Variants in SMARCD3 observed in about 807,000 individuals in gnomAD.
SMARCD3 encodes the protein SWI/SNF-related matrix-associated actin-dependent regulator of chromatin subfamily D member 3.
In SMARCD3, 14 loss-of-function variants were observed where a neutral mutation model predicts 58.0. The ratio of observed to expected loss-of-function variants is 0.24; its 90% CI spans 0.16 to 0.38. The LOEUF is 0.38. Among genes scored for constraint, SMARCD3 ranks in the 10% least tolerant of loss-of-function variants. The pLI, the probability that SMARCD3 is intolerant of heterozygous loss-of-function variation, is 1.00. For synonymous variants in SMARCD3, 253 were observed against 253.8 expected (o/e 1.00, Z 0.03); for missense variants, 408 against 636.9 (o/e 0.64, Z 3.87).
chr7:151,267,493 G>A (rs1361946414), intron 2 of SMARCD3, among the ~76,000 whole-genome samples: 1 of 152,188 alleles, frequency 6.6e-6, no homozygotes, highest in Non-Finnish European at 1.5e-5. Context: ...TGGTACTCCG[G>A]GTTTAAGACA....
chr7:151,274,477 G>A (rs1347526360), intron 2 of SMARCD3, among the ~76,000 whole-genome samples: 1 of 152,252 alleles, frequency 6.6e-6, no homozygotes, highest in Non-Finnish European at 1.5e-5. Context: ...ATGGCCCAGA[G>A]TGCATCAGAG....
At chr7:151,266,325 TTG>T (rs1804078639) in intron 2 of SMARCD3, among the ~76,000 whole-genome samples, 1 of 152,092 alleles carries the variant, frequency 6.6e-6, no homozygotes, top group Non-Finnish European at 1.5e-5. Flanking sequence ...ACTTGTAAAG[TTG>T]TCTTTTTGTC....
chr7:151,239,685 A>C lies in SMARCD3; in HGVS notation c.1235T>G (p.Phe412Cys). 6.2e-7 allele frequency: 1 copy of C among 1,613,950 alleles called. No individual in the cohort carries two copies. The highest frequency in any genetic ancestry group is 8.5e-7 in the Non-Finnish European group (1 of 1,179,960). The change falls in exon 11 of 13, where the codon TTC (phenylalanine) becomes TGC (cysteine). Residue 412 changes from phenylalanine to cysteine, a missense_variant. Transcript: ENST00000262188. The surrounding 1 kb of genome is among the most constrained non-coding windows in gnomAD (Gnocchi z 7.0). Reference sequence around the variant, plus strand: ...GACATAGCCTTTGGGGTCTCTGGAGAAGCTTAGCATGAAGTCCCTCTGGAT... The same window carrying C: ...GACATAGCCTTTGGGGTCTCTGGAGCAGCTTAGCATGAAGTCCCTCTGGAT... ...LKIQRDFMLS[F>C]SRDPKGYVQD...
chr7:151,251,293 T>C (rs1057514741), upstream of SMARCD3, among the ~76,000 whole-genome samples: 1 of 151,790 alleles, frequency 6.6e-6, no homozygotes, highest in African/African-American at 2.4e-5. Flanking sequence ...AGACAATAGA[T>C]ACACCTTGCA....
chr7:151,242,821 G>A lies in SMARCD3; in HGVS notation c.356C>T (p.Ser119Phe). ...TGCCAAGAGGTCCATGTAAGCCTGG[G>A]ACTCGGGGACCAGCTCCCGAATCTG... ...PQRIRELVPESQAYMDLLAFE... is the reference protein window; with the variant it reads ...PQRIRELVPEFQAYMDLLAFE... Residue 119 changes from serine (S) to phenylalanine (F), a missense_variant, in exon 4 of 13, where the codon TCC becomes TTC. This residue lies in a region of SMARCD3 where 128 missense variants were observed against 188.8 expected (regional missense o/e 0.68). Coordinates refer to ENST00000262188, the MANE Select transcript of SMARCD3 (RefSeq NM_001003801.2). This position sits in a 1 kb window ranked among gnomAD's most constrained non-coding sequence, Gnocchi z 4.7. 1 of 1,614,130 alleles carries A rather than the reference G, an allele frequency of 6.2e-7. No individual in the cohort carries two copies. The highest frequency in any genetic ancestry group is 8.5e-7 in the Non-Finnish European group (1 of 1,180,022).
intron 2 of SMARCD3, among the ~76,000 whole-genome samples, chr7:151,262,734 A>C (rs1803956846): frequency 6.6e-6 from 1 of 152,202 alleles, no homozygotes; most frequent in Admixed American, 6.5e-5. Flanking sequence ...GGTGTCTCAG[A>C]GTAGCGACAC....
At chr7:151,240,711 G>A (rs1306205246) in intron 8 of SMARCD3, 189 bp from the exon 9 acceptor site, 3 of 590,482 alleles carry the variant, frequency 5.1e-6, no homozygotes, top group Non-Finnish European at 6.0e-6. Flanking sequence ...CAAGATAGGG[G>A]GTGGGTCAGT....
chr7:151,272,293 G>A (rs888872716), intron 2 of SMARCD3, among the ~76,000 whole-genome samples: 2 of 152,116 alleles, frequency 1.3e-5, no homozygotes, highest in Non-Finnish European at 2.9e-5. Flanking sequence ...GGGTCTCTGG[G>A]CCTCGTGGTT....
intron 2 of SMARCD3, among the ~76,000 whole-genome samples, chr7:151,268,800 C>T (rs760307664): frequency 2.6e-5 from 4 of 152,010 alleles, no homozygotes; most frequent in Admixed American, 6.5e-5. Context: ...GATGAGGTCT[C>T]GCTTTGTTGC....
At position 151,242,416 on chromosome 7, in the gene SMARCD3, G is replaced by A; in HGVS notation, c.579+65C>T. 1 of 1,594,226 alleles carries A rather than the reference G, an allele frequency of 6.3e-7. No homozygotes were observed. The highest frequency in any genetic ancestry group is 8.6e-7 in the Non-Finnish European group (1 of 1,168,204). ...CCCTAGCCCTTAGTGCAGACACCTTGTTCTGTTCTCAGTGCAGCCCATGCC... is the reference window on the plus strand; with the variant it reads ...CCCTAGCCCTTAGTGCAGACACCTTATTCTGTTCTCAGTGCAGCCCATGCC... On this transcript the variant is annotated intron_variant, in intron 5 of 12. Coordinates refer to ENST00000262188, the MANE Select transcript of SMARCD3 (RefSeq NM_001003801.2). This position sits in a 1 kb window ranked among gnomAD's most constrained non-coding sequence, Gnocchi z 4.7.
At position 151,270,124 on chromosome 7, in the gene SMARCD3, C is replaced by T. The variant is rs79473223; in HGVS notation, c.39+4990G>A. ...GGCTTGGAGGGAGAAAGGGGTTTCT[C>T]CCTGCAACTCCAAAAGGCAAACCCA... On this transcript the variant is annotated intron_variant, in intron 2 of 13. Coordinates refer to the SMARCD3 transcript ENST00000356800. Among the ~76,000 whole-genome samples, 633 of 152,292 alleles carry T rather than the reference C, an allele frequency of 4.2e-3. 2 individuals carry two copies. Among genetic ancestry groups the T allele is most frequent in the African/African-American group, 0.015 (605 of 41,564 alleles).
chr7:151,259,754 C>T (rs1803856404), intron 2 of SMARCD3, among the ~76,000 whole-genome samples: 1 of 151,852 alleles, frequency 6.6e-6, no homozygotes, highest in South Asian at 2.1e-4. Context: ...GGATTACAGG[C>T]ATGCACCACC....
chr7:151,240,761 G>C (rs1188107225), intron 8 of SMARCD3: 2 of 535,912 alleles, frequency 3.7e-6, no homozygotes, highest in Non-Finnish European at 6.7e-6. Context: ...GGGTCAGCCT[G>C]CTTATGTATC....
At chr7:151,258,697 C>G (rs1803791495) in intron 2 of SMARCD3, among the ~76,000 whole-genome samples, 1 of 152,128 alleles carries the variant, frequency 6.6e-6, no homozygotes, top group South Asian at 2.1e-4. Flanking sequence ...AGGATCTGGT[C>G]TCATCCTTAC....
rs773876903 is a variant in SMARCD3 at position 151,243,739 on chromosome 7, C to A, written c.291-38G>T. The A allele has an allele frequency of 6.6e-7, 1 of 1,504,206 alleles. No homozygotes were observed. 93.2% of individuals were successfully genotyped at this position (1,504,206 alleles called of 1,614,324 possible). A position where few individuals can be genotyped will look rare whatever the true frequency, so the allele number is the denominator to read the frequency against. On this transcript the variant is annotated intron_variant, in intron 2 of 12. Transcript: ENST00000262188. This position sits in a 1 kb window ranked among gnomAD's most constrained non-coding sequence, Gnocchi z 4.4. ...TAAAGAAAAAACCAGGTTACCATGGCGACAGATCTGGGCGTAACGAGGCCA... is the reference window on the plus strand; with the variant it reads ...TAAAGAAAAAACCAGGTTACCATGGAGACAGATCTGGGCGTAACGAGGCCA...
rs1177935656 is a variant in SMARCD3 at position 151,240,415 on chromosome 7, G to A, written c.1037+10C>T. 3 of 1,610,196 alleles carry A rather than the reference G, an allele frequency of 1.9e-6. No homozygotes were observed. The African/African-American group carries it at 4.0e-5, about 21-fold the overall frequency. On this transcript the variant is annotated intron_variant, in intron 9 of 12. Coordinates refer to ENST00000262188, the MANE Select transcript of SMARCD3 (RefSeq NM_001003801.2). ...TCCCTGGTCTGAGAAGCAAGCTGGG[G>A]CCACCTCACCTGATGACATGGTTGA...
intron 2 of SMARCD3, among the ~76,000 whole-genome samples, chr7:151,264,779 G>A (rs756851125): frequency 6.6e-6 from 1 of 152,226 alleles, no homozygotes; most frequent in Non-Finnish European, 1.5e-5. Context: ...GGTGGAGGGG[G>A]AGCAGACCGT....
intron 2 of SMARCD3, among the ~76,000 whole-genome samples, chr7:151,267,208 G>A (rs1795020141): frequency 6.6e-6 from 1 of 152,194 alleles, no homozygotes; most frequent in South Asian, 2.1e-4. Flanking sequence ...GCTTCATGGA[G>A]CTTAGCCTAC....
Position 151,238,944 on chromosome 7 carries a change from TCCCCA to T in SMARCD3, c.*154_*158del. ...CCCTTCCCCTTCTCTCCCCCTCCCCTCCCCAGTTTCCAATGACCACACGGCTGCTG... is the reference window on the plus strand; with the variant it reads ...CCCTTCCCCTTCTCTCCCCCTCCCCTGTTTCCAATGACCACACGGCTGCTG... On this transcript the variant is annotated 3_prime_UTR_variant, in exon 13 of 13. Coordinates refer to ENST00000262188, the MANE Select transcript of SMARCD3 (RefSeq NM_001003801.2). 1 of 863,572 alleles carries T rather than the reference TCCCCA, an allele frequency of 1.2e-6. No homozygotes were observed. Among genetic ancestry groups the T allele is most frequent in the Non-Finnish European group, 1.8e-6 (1 of 549,360 alleles). 53.5% of individuals were successfully genotyped at this position (863,572 alleles called of 1,614,324 possible).
Sources: allele counts gnomAD v4.1 joint callset (sites outside exome capture counted in the v4.1 genomes callset), GRCh38; gene constraint gnomAD v4.1.1; regional missense constraint gnomAD v4.1.1; non-coding constraint Gnocchi (gnomAD v3.1); transcripts MANE v1.5; gene names NCBI Gene and HGNC (gene_info 2026-07-23, HGNC 2026-07-21).